Variants in ATXN10 observed in about 807,000 individuals in gnomAD.
ATXN10 encodes ataxin-10.
A neutral mutation model predicts 52.9 loss-of-function variants in ATXN10; 28 were observed. The ratio of observed to expected loss-of-function variants is 0.53; its 90% confidence interval spans 0.39 to 0.73. The LOEUF (loss-of-function observed/expected upper bound fraction) is 0.73, where lower values mean the gene tolerates loss of function less well. Among genes scored for constraint, ATXN10 ranks in the 30% least tolerant of loss-of-function variants. ATXN10 has a pLI of 0.00. For missense variants in ATXN10, 565 were observed against 577.0 expected (o/e 0.98, Z 0.21); for synonymous variants, 226 against 221.5 (o/e 1.02, Z -0.18).
intron 9 of ATXN10, among the ~76,000 whole-genome samples, chr22:45,764,628 C>T (rs947622316): frequency 6.6e-6 from 1 of 152,126 alleles, no homozygotes; most frequent in Non-Finnish European, 1.5e-5. Flanking sequence ...GGTATCAAAC[C>T]CTTGCATGCT....
intron 1 of ATXN10, chr22:45,674,307 G>C (rs912687669): frequency 2.0e-5 from 3 of 152,354 alleles, no homozygotes; most frequent in African/African-American, 4.8e-5. Context: ...TTTCATCTGA[G>C]TTCTGGGACA....
At chr22:45,811,907 C>G in intron 10 of ATXN10, 2 of 415,812 alleles carry the variant, frequency 4.8e-6, no homozygotes, top group East Asian at 7.1e-5. Flanking sequence ...TGCCCCTGTT[C>G]ACAGAGCCTC....
rs1016516014 is a variant in ATXN10 at position 45,672,293 on chromosome 22, G to T, written c.116+114G>T. The T allele has an allele frequency of 1.2e-5, 13 of 1,123,176 alleles. No homozygotes were observed. In the African/African-American group the frequency reaches 2.2e-4, roughly 19 times the overall value. 69.6% of individuals were successfully genotyped at this position (1,123,176 alleles called of 1,614,324 possible). ...CCGCCTCGCTGGAGACGCGGAGGGC[G>T]AGGCCTGCGCGGGCTGCCTGAGCGC... On this transcript the variant is annotated intron_variant, in intron 1 of 11. Coordinates refer to ENST00000252934, the MANE Select transcript of ATXN10 (RefSeq NM_013236.4).
At position 45,764,382 on chromosome 22, in the gene ATXN10, G is replaced by C. The variant is rs73444644; in HGVS notation, c.1173+23844G>C. Reference sequence around the variant, plus strand: ...AAGGGTTTCCCTTAGCAAGGCTTCTGTTCTATAAAATGTTTACAACTCCCC... The same window carrying C: ...AAGGGTTTCCCTTAGCAAGGCTTCTCTTCTATAAAATGTTTACAACTCCCC... On this transcript the variant is annotated intron_variant, in intron 9 of 11. Coordinates refer to ENST00000252934, the MANE Select transcript of ATXN10 (RefSeq NM_013236.4). 8.4e-3 allele frequency among the ~76,000 whole-genome samples: 1,285 copies of C among 152,140 alleles called. 11 individuals are homozygous for C. Among genetic ancestry groups the C allele is most frequent in the African/African-American group, 0.029 (1,205 of 41,492 alleles).
At position 45,816,983 on chromosome 22, in the gene ATXN10, G is replaced by A. The variant is rs1928482206; in HGVS notation, c.1237+9961G>A. Among the ~76,000 whole-genome samples the A allele has an allele frequency of 6.6e-6, 1 of 152,204 alleles. No individual in the cohort carries two copies. Among genetic ancestry groups the A allele is most frequent in the African/African-American group, 2.4e-5 (1 of 41,438 alleles). On this transcript the variant is annotated intron_variant, in intron 10 of 11. Coordinates refer to ENST00000252934, the MANE Select transcript of ATXN10 (RefSeq NM_013236.4). This position sits in a 1 kb window ranked among gnomAD's most constrained non-coding sequence, Gnocchi z 5.8. ...AGTGTCTTAAACACCTCGAGATGGC[G>A]CAGCTGGCTAGGCTCGGTGTGGTTT... is the stretch of plus-strand genomic sequence containing the variant.
chr22:45,781,782 C>T lies in ATXN10; in HGVS notation c.1174-25177C>T, dbSNP rs1343604935. 1.3e-5 allele frequency among the ~76,000 whole-genome samples: 2 copies of T among 151,930 alleles called. No individual in the cohort carries two copies. The highest frequency in any genetic ancestry group is 4.8e-5 in the African/African-American group (2 of 41,346). ...AGAAATGGAAGATACAAAGAAAAGCCACGTGGAAATTTTAGGACTAAAAAA... is the reference window on the plus strand; with the variant it reads ...AGAAATGGAAGATACAAAGAAAAGCTACGTGGAAATTTTAGGACTAAAAAA... On this transcript the variant is annotated intron_variant, in intron 9 of 11. Transcript: ENST00000252934. The surrounding 1 kb of genome is among the most constrained non-coding windows in gnomAD (Gnocchi z 4.2).
At chr22:45,689,549 T>C (rs888430681) in intron 1 of ATXN10, 163 bp from the exon 2 acceptor site, 2 of 647,800 alleles carry the variant, frequency 3.1e-6, no homozygotes, top group Non-Finnish European at 5.5e-6. Context: ...TAGTAAGTGC[T>C]CAATATGTGT....
intron 1 of ATXN10, among the ~76,000 whole-genome samples, chr22:45,687,087 T>C (rs1923175988): frequency 6.6e-6 from 1 of 152,202 alleles, no homozygotes; most frequent in African/African-American, 2.4e-5. Context: ...TATTAATAGT[T>C]ATTTGGATTT....
intron 10 of ATXN10, among the ~76,000 whole-genome samples, chr22:45,830,102 A>G (rs1928940048): frequency 6.6e-6 from 1 of 152,238 alleles, no homozygotes; most frequent in African/African-American, 2.4e-5. Context: ...AAGGATGACA[A>G]CACCATTCAG....
At chr22:45,702,596 G>A in intron 4 of ATXN10, 93 bp from the exon 5 acceptor site, 5 of 1,143,688 alleles carry the variant, frequency 4.4e-6, no homozygotes, top group Non-Finnish European at 5.2e-6. Context: ...AAAAGTATTA[G>A]CATGTAGTGA....
intron 10 of ATXN10, among the ~76,000 whole-genome samples, chr22:45,817,314 T>A (rs1928494150): frequency 7.2e-6 from 1 of 139,682 alleles, no homozygotes; most frequent in African/African-American, 2.7e-5. Flanking sequence ...TCCCATTGAT[T>A]TAACTTTTTT....
chr22:45,697,575 G>T (rs1923662926), intron 3 of ATXN10, among the ~76,000 whole-genome samples: 3 of 152,118 alleles, frequency 2.0e-5, no homozygotes, highest in Admixed American at 2.0e-4. Context: ...TGGAATCATA[G>T]AATTAATTAT....
At position 45,790,949 on chromosome 22, in the gene ATXN10, G is replaced by C. The variant is rs1003099891; in HGVS notation, c.1174-16010G>C. Among the ~76,000 whole-genome samples the C allele has an allele frequency of 3.3e-5, 5 of 152,004 alleles. No individual in the cohort carries two copies. Among genetic ancestry groups the C allele is most frequent in the African/African-American group, 1.2e-4 (5 of 41,358 alleles). On this transcript the variant is annotated intron_variant, in intron 9 of 11. Coordinates refer to ENST00000252934, the MANE Select transcript of ATXN10 (RefSeq NM_013236.4). The surrounding 1 kb of genome is among the most constrained non-coding windows in gnomAD (Gnocchi z 4.7). ...AGCTTACTGTACTCTCGAACTCCTG[G>C]GCTCAACCCATCTTCATGCCTCAGC...
At chr22:45,815,804 C>T (rs1048069452) in intron 10 of ATXN10, among the ~76,000 whole-genome samples, 2 of 152,196 alleles carry the variant, frequency 1.3e-5, no homozygotes, top group Non-Finnish European at 2.9e-5. Flanking sequence ...GACGTTTAAA[C>T]TCCACACAGG....
At position 45,774,403 on chromosome 22, in the gene ATXN10, G is replaced by A. The variant is rs1035289619; in HGVS notation, c.1174-32556G>A. Among the ~76,000 whole-genome samples the A allele has an allele frequency of 6.6e-6, 1 of 152,224 alleles. No individual in the cohort carries two copies. The highest frequency in any genetic ancestry group is 6.5e-5 in the Admixed American group (1 of 15,288). Reference sequence around the variant, plus strand: ...AGTGTGCGAGCAAGCAGTCCTGTGGGAGAGCTCCAGGTCTCCTGTTCCTTA... The same window carrying A: ...AGTGTGCGAGCAAGCAGTCCTGTGGAAGAGCTCCAGGTCTCCTGTTCCTTA... On this transcript the variant is annotated intron_variant, in intron 9 of 11. Transcript: ENST00000252934. This position sits in a 1 kb window ranked among gnomAD's most constrained non-coding sequence, Gnocchi z 6.2.
At chr22:45,773,668 G>A (rs1926852345) in intron 9 of ATXN10, among the ~76,000 whole-genome samples, 1 of 152,070 alleles carries the variant, frequency 6.6e-6, no homozygotes, top group Non-Finnish European at 1.5e-5. Context: ...ATGCTGGCCA[G>A]GCTGGTCTCG....
At chr22:45,803,799 G>T (rs1041957638) in intron 9 of ATXN10, among the ~76,000 whole-genome samples, 1 of 152,074 alleles carries the variant, frequency 6.6e-6, no homozygotes, top group African/African-American at 2.4e-5. Flanking sequence ...AGGAGAAGTG[G>T]GGGTGTGAGG....
chr22:45,716,097 C>CA (rs1330664543), intron 5 of ATXN10, among the ~76,000 whole-genome samples: 1 of 151,504 alleles, frequency 6.6e-6, no homozygotes, highest in East Asian at 1.9e-4. Flanking sequence ...CTGTCTCTGC[C>CA]AAAAAAATAA....
chr22:45,772,265 A>T lies in ATXN10; in HGVS notation c.1173+31727A>T, dbSNP rs1368775830. Among the ~76,000 whole-genome samples, 1 of 152,216 alleles carries T rather than the reference A, an allele frequency of 6.6e-6. No individual in the cohort carries two copies. The highest frequency in any genetic ancestry group is 6.5e-5 in the Admixed American group (1 of 15,274). ...AGTCTCTCTATAAGGTGTGAGGGTT[A>T]GGTCAAGGTTCATTGTTTTGCAAAT... On this transcript the variant is annotated intron_variant, in intron 9 of 11. Transcript: ENST00000252934. The surrounding 1 kb of genome is among the most constrained non-coding windows in gnomAD (Gnocchi z 4.1).
Sources: gnomAD v4.1 joint callset for allele counts (sites outside exome capture counted in the v4.1 genomes callset) on GRCh38, gnomAD v4.1.1 for gene constraint, Gnocchi (gnomAD v3.1) non-coding constraint, MANE v1.5 for transcripts, NCBI Gene and HGNC (gene_info 2026-07-23, HGNC 2026-07-21) for gene names.